STAM2: variants seen among roughly 807,000 people sequenced by gnomAD.
STAM2 encodes the protein signal transducing adaptor molecule 2, also known as signal transducing adapter molecule 2.
STAM2 carries 51 observed loss-of-function variants against 65.6 expected under a neutral mutation model. The observed-to-expected ratio is 0.78, with a 90% CI of 0.62 to 0.98. STAM2 has a LOEUF of 0.98. Ranked by LOEUF, STAM2 falls within the 50% of genes least tolerant of loss-of-function variation. The pLI is 0.00. For synonymous variants in STAM2, 198 were observed against 208.4 expected, an observed-to-expected ratio of 0.95 and a Z score of 0.43; for missense variants, 584 against 617.8, an observed-to-expected ratio of 0.95 and a Z score of 0.58.
Position 152,126,292 on chromosome 2 carries a change from G to GT in STAM2, c.1112dup (p.Tyr371Ter). ...YNKLVNEAPV[Y>*]SVYSKLHPPA... Reference sequence around the variant, plus strand: ...GAGGGTGGAGCTTTGAATAGACTGAGTACACTGGTGCTTCATTCACCAATT... The same window carrying GT: ...GAGGGTGGAGCTTTGAATAGACTGAGTTACACTGGTGCTTCATTCACCAATT... Residue 371 changes from tyrosine to a stop codon, truncating the protein, a stop_gained and frameshift_variant, in exon 12 of 14, where the codon TAC becomes TAAC. Coordinates refer to ENST00000263904, the MANE Select transcript of STAM2 (RefSeq NM_005843.6). LOFTEE classifies it high-confidence loss of function. 1 of 1,610,030 alleles carries GT rather than the reference G, an allele frequency of 6.2e-7. No homozygotes were observed. Among genetic ancestry groups the GT allele is most frequent in the Non-Finnish European group, 8.5e-7 (1 of 1,177,952 alleles).
rs766659286 is a variant in STAM2, at chr2:152,148,231, T to G, written c.195A>C (p.Ala65=). Residue 65 remains alanine, a synonymous_variant, in exon 3 of 14, where the codon GCA becomes GCC. Transcript: ENST00000263904. The stretch of plus-strand genomic sequence containing the variant: ...TAACATGCCTTGTACTCACAGTTAG[T>G]GCTTGCAGAGCAACATGTGGAACCT... ...NHKVPHVALQ[A]LTLLGACVAN... is the part of the protein sequence containing the mutation. 1.2e-6 allele frequency: 2 copies of G among 1,610,892 alleles called. No individual in the cohort carries two copies. The highest frequency in any genetic ancestry group is 1.7e-6 in the Non-Finnish European group (2 of 1,178,674).
At chr2:152,169,800 T>C (rs775637203) in intron 1 of STAM2, among the ~76,000 whole-genome samples, 3 of 151,704 alleles carry the variant, frequency 2.0e-5, no homozygotes, top group Non-Finnish European at 4.4e-5. Context: ...GGAATTTCAC[T>C]GCTGACAGGA....
rs777771104 is a variant in STAM2, at chr2:152,120,785, A to G, written c.1367T>C (p.Val456Ala). ...CTGGTTCATATAAGTAGGATTGGAA[A>G]CAGTGTCTTGTCCAGTGCTACAAAC... ...TSYLSTGQDT[V>A]SNPTYMNQNS... The change falls in exon 14 of 14, where the codon GTT becomes GCT. Residue 456 changes from valine to alanine, a missense_variant. Physicochemically the swap from Val to Ala is moderately conservative, Grantham distance 64. Coordinates refer to ENST00000263904, the MANE Select transcript of STAM2 (RefSeq NM_005843.6). 1 of 1,614,174 alleles carries G rather than the reference A, an allele frequency of 6.2e-7. No homozygotes were observed. The highest frequency in any genetic ancestry group is 1.7e-5 in the Admixed American group (1 of 60,022).
chr2:152,172,878 G>C (rs200747539), intron 1 of STAM2, among the ~76,000 whole-genome samples: 1 of 147,686 alleles, frequency 6.8e-6, no homozygotes, highest in African/African-American at 2.5e-5. Flanking sequence ...AAAAAAAAAA[G>C]AAAAAGAAAA....
At chr2:152,156,444 C>T (rs1199681687) in intron 1 of STAM2, among the ~76,000 whole-genome samples, 1 of 152,036 alleles carries the variant, frequency 6.6e-6, no homozygotes, top group Admixed American at 6.5e-5. Context: ...TCACTTTGCC[C>T]AATGTTGGGG....
At chr2:152,163,814 C>T (rs771550109) in intron 1 of STAM2, among the ~76,000 whole-genome samples, 2 of 152,148 alleles carry the variant, frequency 1.3e-5, no homozygotes, top group Non-Finnish European at 2.9e-5. Flanking sequence ...GACTGAAATA[C>T]GCCCTGGTCT....
intron 1 of STAM2, among the ~76,000 whole-genome samples, chr2:152,154,573 G>T (rs529382521): frequency 2.0e-5 from 3 of 152,114 alleles, no homozygotes; most frequent in African/African-American, 7.2e-5. Context: ...AGACAAGATC[G>T]CACCACTGCA....
intron 6 of STAM2, 36 bp downstream of exon 6, chr2:152,144,852 T>C (rs1689310127): frequency 6.3e-7 from 1 of 1,591,950 alleles, no homozygotes; most frequent in Non-Finnish European, 8.6e-7. Flanking sequence ...AAAGATATTT[T>C]AAGCAACACT....
At chr2:152,162,391 T>C (rs1448403791) in intron 1 of STAM2, among the ~76,000 whole-genome samples, 3 of 151,724 alleles carry the variant, frequency 2.0e-5, no homozygotes, top group African/African-American at 4.8e-5. Flanking sequence ...CTGGGCAACA[T>C]AGTGAGATCC....
chr2:152,159,027 A>C (rs1689606814), intron 1 of STAM2, among the ~76,000 whole-genome samples: 1 of 149,222 alleles, frequency 6.7e-6, no homozygotes, highest in Non-Finnish European at 1.5e-5. Flanking sequence ...GAGGAAAAAA[A>C]ACCTCAATTG....
chr2:152,158,960 G>C (rs1012366524), intron 1 of STAM2, among the ~76,000 whole-genome samples: 1 of 151,114 alleles, frequency 6.6e-6, no homozygotes, highest in Non-Finnish European at 1.5e-5. Flanking sequence ...AATTTTGGGG[G>C]ATACATTCTG....
chr2:152,160,451 G>C (rs1323623262), intron 1 of STAM2, among the ~76,000 whole-genome samples: 1 of 151,312 alleles, frequency 6.6e-6, no homozygotes, highest in African/African-American at 2.4e-5. Flanking sequence ...CCCTCTGCCT[G>C]GCAACCGCCC....
At chr2:152,135,627 T>A in intron 7 of STAM2, 24 bp from the exon 8 acceptor site, 3 of 1,462,690 alleles carry the variant, frequency 2.1e-6, no homozygotes, top group Non-Finnish European at 2.8e-6. Context: ...GCAAAAAATA[T>A]CATTTGTTCC....
In STAM2 at chr2:152,160,726, T is replaced by C. The variant is rs1192665988; in HGVS notation, c.41-10497A>G. On this transcript the variant is annotated intron_variant, in intron 1 of 13. Transcript: ENST00000263904. ...GGGGTCAGCCCCCCGCCTGGCCAGC[T>C]GCCCCATCCGGGAGGTGAGGGGTGC... Among the ~76,000 whole-genome samples, 198 of 129,090 alleles carry C rather than the reference T, an allele frequency of 1.5e-3. 3 individuals are homozygous for C. Among genetic ancestry groups the C allele is most frequent in the Non-Finnish European group, 1.5e-3 (90 of 60,928 alleles). 84.7% of individuals were successfully genotyped at this position (129,090 alleles called of 152,430 possible). A position where few individuals can be genotyped will look rare whatever the true frequency, so the allele number is the denominator to read the frequency against.
At chr2:152,170,457 T>C (rs1689877811) in intron 1 of STAM2, among the ~76,000 whole-genome samples, 1 of 144,956 alleles carries the variant, frequency 6.9e-6, no homozygotes. Flanking sequence ...CACTCCAGCC[T>C]GGGTGACAGG....
intron 1 of STAM2, among the ~76,000 whole-genome samples, chr2:152,161,985 G>A (rs1206946985): frequency 6.6e-6 from 1 of 152,034 alleles, no homozygotes; most frequent in East Asian, 1.9e-4. Flanking sequence ...ACCACACCCG[G>A]TTAATTCTGT....
In STAM2 at chr2:152,152,603, C is replaced by T. The variant is rs146595564; in HGVS notation, c.41-2374G>A. 5.8e-3 allele frequency among the ~76,000 whole-genome samples: 879 copies of T among 152,122 alleles called. 13 individuals carry two copies. Among genetic ancestry groups the T allele is most frequent in the African/African-American group, 0.02 (842 of 41,502 alleles). On this transcript the variant is annotated intron_variant, in intron 1 of 13. Coordinates refer to ENST00000263904, the MANE Select transcript of STAM2 (RefSeq NM_005843.6). ...GGCTAATATAAATAATGCACTGATG[C>T]GATGAACATTCATATACAAGTCTCT...
At chr2:152,138,455 A>C (rs1054162202) in intron 7 of STAM2, among the ~76,000 whole-genome samples, 5 of 152,182 alleles carry the variant, frequency 3.3e-5, no homozygotes, top group Admixed American at 1.3e-4. Context: ...AACAACCTTT[A>C]TGAACTCCTA....
chr2:152,133,218 G>A lies in STAM2; in HGVS notation c.925C>T (p.Pro309Ser). ...RALQVLQSID[P>S]TDSKPDSQDL... ...TGGGAGTCTGGTTTTGAATCTGTTG[G>A]ATCTATACTCTGAAGTACCTGCAGG... Residue 309 changes from proline (P) to serine (S), a missense_variant, in exon 10 of 14, where the codon CCA becomes TCA. By Grantham distance (74) the Pro-to-Ser change is moderately conservative. Coordinates refer to ENST00000263904, the MANE Select transcript of STAM2 (RefSeq NM_005843.6). The A allele has an allele frequency of 1.2e-6, 2 of 1,609,114 alleles. No homozygotes were observed. Among genetic ancestry groups the A allele is most frequent in the Non-Finnish European group, 1.7e-6 (2 of 1,178,026 alleles).
Sources: gnomAD v4.1 joint callset for allele counts (sites outside exome capture counted in the v4.1 genomes callset) on GRCh38, gnomAD v4.1.1 for gene constraint, MANE v1.5 for transcripts, NCBI Gene and HGNC (gene_info 2026-07-23, HGNC 2026-07-21) for gene names.